Variants in ANKS1B observed in about 807,000 individuals in gnomAD.
ANKS1B encodes ankyrin repeat and sterile alpha motif domain containing 1B.
ANKS1B carries 36 observed loss-of-function variants against 148.3 expected under a neutral mutation model. That is an observed-to-expected ratio of 0.24 (90% CI 0.19 to 0.32). The LOEUF is 0.32. ANKS1B is among the 10% of genes least tolerant of loss of function. ANKS1B has a pLI of 1.00. For missense variants in ANKS1B, 1,157 were observed against 1,542.6 expected (o/e 0.75, Z 4.19); for synonymous variants, 542 against 560.8 (o/e 0.97, Z 0.47).
At chr12:98,808,995 C>G (rs2099073055) in intron 19 of ANKS1B, among the ~76,000 whole-genome samples, 1 of 152,174 alleles carries the variant, frequency 6.6e-6, no homozygotes, top group Non-Finnish European at 1.5e-5. Context: ...AGGCTTATCC[C>G]TAGCTAAAAG....
intron 6 of ANKS1B, among the ~76,000 whole-genome samples, chr12:99,776,445 T>C (rs1274002181): frequency 6.6e-6 from 1 of 152,200 alleles, no homozygotes; most frequent in Non-Finnish European, 1.5e-5. Flanking sequence ...ATTCAGCTAA[T>C]AGGTGGCAAA....
chr12:99,701,457 A>C (rs1047654267), intron 8 of ANKS1B, among the ~76,000 whole-genome samples: 1 of 152,128 alleles, frequency 6.6e-6, no homozygotes, highest in African/African-American at 2.4e-5. Flanking sequence ...CTTTTATACA[A>C]GCATACAATG....
intron 1 of ANKS1B, among the ~76,000 whole-genome samples, chr12:99,835,805 G>C (rs981009267): frequency 3.0e-4 from 46 of 152,280 alleles, no homozygotes; most frequent in African/African-American, 1.1e-3. Context: ...CTAGTATAAG[G>C]AAGAGTAGCT....
At chr12:99,652,073 G>GTATA (rs146772425) in intron 9 of ANKS1B, among the ~76,000 whole-genome samples, 40,570 of 148,730 alleles carry the variant, frequency 0.27, 5,958 homozygotes, top group African/African-American at 0.34. Flanking sequence ...GTTTACATGT[G>GTATA]TATATATATA....
intron 3 of ANKS1B, 26 bp downstream of exon 3, chr12:99,812,129 C>A: frequency 6.3e-7 from 1 of 1,590,768 alleles, no homozygotes; most frequent in Non-Finnish European, 8.6e-7. Context: ...AAAATTACAT[C>A]ATGAGCAAAC....
At chr12:99,698,334 T>C (rs1400998247) in intron 8 of ANKS1B, among the ~76,000 whole-genome samples, 1 of 152,198 alleles carries the variant, frequency 6.6e-6, no homozygotes, top group Non-Finnish European at 1.5e-5. Context: ...AAACCTTGAA[T>C]TTCACTTGGT....
intron 16 of ANKS1B, among the ~76,000 whole-genome samples, chr12:99,081,709 C>T (rs2049836707): frequency 6.6e-6 from 1 of 152,088 alleles, no homozygotes; most frequent in Admixed American, 6.6e-5. Context: ...GAATGATATT[C>T]TGTATTAGAA....
intron 1 of ANKS1B, among the ~76,000 whole-genome samples, chr12:99,971,203 T>A (rs2095553936): frequency 6.6e-6 from 1 of 152,224 alleles, no homozygotes; most frequent in African/African-American, 2.4e-5. Context: ...AGAAATAGTT[T>A]AACCATTGTT....
chr12:99,222,449 T>C (rs1476306452), intron 14 of ANKS1B, among the ~76,000 whole-genome samples: 1 of 152,156 alleles, frequency 6.6e-6, no homozygotes, highest in African/African-American at 2.4e-5. Flanking sequence ...ACCCCATCTC[T>C]ACCAAAAATA....
chr12:99,484,575 T>A lies in ANKS1B; in HGVS notation c.1438+19901A>T, dbSNP rs139493502. Among the ~76,000 whole-genome samples, 292 of 152,090 alleles carry A rather than the reference T, an allele frequency of 1.9e-3. 2 individuals carry two copies. The highest frequency in any genetic ancestry group is 6.6e-3 in the African/African-American group (274 of 41,546). ...TTTTACGTCTCAAAGATCTGTCTAG[T>A]GGTGTCAGTGGTAAATTAAAATCTT... On this transcript the variant is annotated intron_variant, in intron 10 of 26. Transcript: ENST00000683438.
chr12:99,710,958 ACTC>A (rs927473611), intron 8 of ANKS1B, among the ~76,000 whole-genome samples: 14 of 151,384 alleles, frequency 9.2e-5, no homozygotes, highest in African/African-American at 3.2e-4. Context: ...TAATCTCTCA[ACTC>A]CTCCTATCAC....
chr12:99,359,527 G>A (rs1389043966), intron 12 of ANKS1B, among the ~76,000 whole-genome samples: 1 of 152,052 alleles, frequency 6.6e-6, no homozygotes, highest in East Asian at 1.9e-4. Context: ...CTATAGGAGT[G>A]CTGAGGCTTA....
intron 1 of ANKS1B, among the ~76,000 whole-genome samples, chr12:99,830,798 C>T (rs1183302826): frequency 6.6e-6 from 1 of 152,098 alleles, no homozygotes; most frequent in African/African-American, 2.4e-5. Context: ...TCATTCCTAC[C>T]CTCTTTTTCT....
chr12:99,781,877 C>A (rs1405657549), intron 5 of ANKS1B, 145 bp downstream of exon 5: 4 of 653,476 alleles, frequency 6.1e-6, no homozygotes, highest in Non-Finnish European at 1.0e-5. Context: ...AAACTCAGTT[C>A]TACATAATAT....
intron 14 of ANKS1B, among the ~76,000 whole-genome samples, chr12:99,179,694 G>GA (rs1261294067): frequency 3.3e-5 from 5 of 152,024 alleles, no homozygotes; most frequent in African/African-American, 1.2e-4. Context: ...AACTCTCTAT[G>GA]AATCTCCTTT....
At chr12:99,698,611 G>A (rs1356961074) in intron 8 of ANKS1B, among the ~76,000 whole-genome samples, 1 of 152,082 alleles carries the variant, frequency 6.6e-6, no homozygotes, top group Non-Finnish European at 1.5e-5. Context: ...AAAGGTTCCC[G>A]AAGCAATAAC....
intron 9 of ANKS1B, among the ~76,000 whole-genome samples, chr12:99,633,123 G>A (rs1317962609): frequency 6.6e-6 from 1 of 151,774 alleles, no homozygotes; most frequent in Non-Finnish European, 1.5e-5. Context: ...ATTCCATGGT[G>A]TATATGTGCC....
chr12:98,770,448 C>T (rs2098550987), intron 25 of ANKS1B, among the ~76,000 whole-genome samples: 1 of 152,222 alleles, frequency 6.6e-6, no homozygotes, highest in Admixed American at 6.5e-5. Context: ...ACTGCACATC[C>T]TTGTAAACCC....
intron 17 of ANKS1B, among the ~76,000 whole-genome samples, chr12:98,995,442 A>G (rs551526243): frequency 6.6e-6 from 1 of 152,298 alleles, no homozygotes; most frequent in East Asian, 1.9e-4. Context: ...AAAAATTTAA[A>G]AAATTAAAAA....
Sources: gnomAD v4.1 joint callset for allele counts (sites outside exome capture counted in the v4.1 genomes callset) on GRCh38, gnomAD v4.1.1 for gene constraint, MANE v1.5 for transcripts, NCBI Gene and HGNC (gene_info 2026-07-23, HGNC 2026-07-21) for gene names.